COLEC12: variants seen among roughly 807,000 people sequenced by gnomAD.
COLEC12 encodes collectin subfamily member 12, also known as collectin-12.
In COLEC12, 33 loss-of-function variants were observed where a neutral mutation model predicts 71.1. That is an observed-to-expected ratio of 0.46 (90% confidence interval 0.35 to 0.62). The LOEUF is 0.62. COLEC12 is among the 20% of genes least tolerant of loss of function. The probability of loss-of-function intolerance (pLI) is 0.00; values close to 1 mark genes in which losing one functional copy is unlikely to be tolerated. For synonymous variants in COLEC12, 350 were observed against 353.0 expected, an observed-to-expected ratio of 0.99 and a Z score of 0.10; for missense variants, 765 against 916.1, an observed-to-expected ratio of 0.84 and a Z score of 2.13.
chr18:356,725 C>G (rs1164766070), intron 3 of COLEC12, among the ~76,000 whole-genome samples: 1 of 152,172 alleles, frequency 6.6e-6, no homozygotes, highest in African/African-American at 2.4e-5. Flanking sequence ...ATCACGACAC[C>G]TTCTACCTAT....
chr18:463,809 C>T (rs1917033144), intron 2 of COLEC12, among the ~76,000 whole-genome samples: 1 of 152,206 alleles, frequency 6.6e-6, no homozygotes, highest in Non-Finnish European at 1.5e-5. Context: ...TCCACTTTCT[C>T]TTCTTTCACA....
chr18:403,777 A>C (rs6506141), intron 2 of COLEC12, among the ~76,000 whole-genome samples: 114,580 of 152,144 alleles, frequency 0.75, 43,594 homozygotes, highest in South Asian at 0.83. Context: ...AATGTCTACA[A>C]TATCTCCATA....
chr18:352,772 T>C (rs756277370), intron 3 of COLEC12, among the ~76,000 whole-genome samples: 4 of 152,204 alleles, frequency 2.6e-5, no homozygotes, highest in Non-Finnish European at 5.9e-5. Context: ...TTATTCTGAA[T>C]TTATTAGCAC....
chr18:339,814 G>GA (rs1411735815), intron 5 of COLEC12, among the ~76,000 whole-genome samples: 1 of 151,774 alleles, frequency 6.6e-6, no homozygotes, highest in African/African-American at 2.4e-5. Context: ...GAAATTTCCT[G>GA]GATTTTTTTT....
rs1915643303 is a variant in COLEC12 at position 399,747 on chromosome 18, G to A, written c.59-42225C>T. Among the ~76,000 whole-genome samples the A allele has an allele frequency of 6.6e-6, 1 of 152,216 alleles. No individual in the cohort carries two copies. Among genetic ancestry groups the A allele is most frequent in the East Asian group, 1.9e-4 (1 of 5,196 alleles). On this transcript the variant is annotated intron_variant, in intron 2 of 9. Coordinates refer to ENST00000400256, the MANE Select transcript of COLEC12 (RefSeq NM_130386.3). This position sits in a 1 kb window ranked among gnomAD's most constrained non-coding sequence, Gnocchi z 4.0. The stretch of plus-strand genomic sequence containing the variant: ...GGGGTGGATGCCGAGCGCTGGGAAG[G>A]AATATGCCCTCGTTCCCCCATCTCC...
intron 2 of COLEC12, among the ~76,000 whole-genome samples, chr18:465,625 T>C (rs1302893835): frequency 6.6e-6 from 1 of 152,226 alleles, no homozygotes; most frequent in African/African-American, 2.4e-5. Flanking sequence ...CAGGTGACTA[T>C]TAGTAACCAT....
chr18:469,152 A>G (rs1598374994), intron 2 of COLEC12, among the ~76,000 whole-genome samples: 2 of 152,366 alleles, frequency 1.3e-5, no homozygotes, highest in South Asian at 2.1e-4. Context: ...CTTCACTTGC[A>G]CAGACGGAAA....
chr18:424,842 C>T (rs1916167216), intron 2 of COLEC12, among the ~76,000 whole-genome samples: 1 of 152,184 alleles, frequency 6.6e-6, no homozygotes, highest in African/African-American at 2.4e-5. Flanking sequence ...TTGGAGAGCT[C>T]AGTCTAAGGA....
intron 2 of COLEC12, among the ~76,000 whole-genome samples, chr18:398,966 G>A (rs1472406353): frequency 6.6e-6 from 1 of 152,158 alleles, no homozygotes; most frequent in Non-Finnish European, 1.5e-5. Context: ...ATTAAAAGCA[G>A]GTCTATATGT....
At chr18:482,758 C>A (rs529046827) in intron 1 of COLEC12, among the ~76,000 whole-genome samples, 2 of 152,146 alleles carry the variant, frequency 1.3e-5, no homozygotes, top group East Asian at 3.9e-4. Flanking sequence ...ATTGCAGGCG[C>A]CCACTACCAC....
chr18:401,592 C>T (rs956137816), intron 2 of COLEC12, among the ~76,000 whole-genome samples: 6 of 152,222 alleles, frequency 3.9e-5, no homozygotes, highest in East Asian at 3.8e-4. Flanking sequence ...GGACTAGAAG[C>T]GTTGAGGTGT....
chr18:362,040 A>G lies in COLEC12; in HGVS notation c.59-4518T>C, dbSNP rs1464904755. 6.6e-6 allele frequency among the ~76,000 whole-genome samples: 1 copy of G among 152,172 alleles called. No individual in the cohort carries two copies. Among genetic ancestry groups the G allele is most frequent in the Non-Finnish European group, 1.5e-5 (1 of 68,016 alleles). On this transcript the variant is annotated intron_variant, in intron 2 of 9. Transcript: ENST00000400256. The surrounding 1 kb of genome is among the most constrained non-coding windows in gnomAD (Gnocchi z 4.6). The stretch of plus-strand genomic sequence containing the variant: ...CATTGATGGGAAAAGAGAGGCCCAG[A>G]GAGGGGAAGCAGGATCAGAAGCCAC...
At chr18:326,717 T>C (rs1319033444) in intron 8 of COLEC12, among the ~76,000 whole-genome samples, 5 of 152,230 alleles carry the variant, frequency 3.3e-5, no homozygotes, top group Non-Finnish European at 7.3e-5. Context: ...TTCATCTTGG[T>C]GAATGTACCA....
chr18:373,342 G>A (rs542912956), intron 2 of COLEC12, among the ~76,000 whole-genome samples: 1 of 152,108 alleles, frequency 6.6e-6, no homozygotes, highest in African/African-American at 2.4e-5. Flanking sequence ...CGAGGCTTTC[G>A]ATCCTAATGT....
chr18:427,889 C>T (rs1483580914), intron 2 of COLEC12, among the ~76,000 whole-genome samples: 1 of 152,146 alleles, frequency 6.6e-6, no homozygotes, highest in Non-Finnish European at 1.5e-5. Context: ...TTAAGAAGAA[C>T]ATTGCCTTTG....
intron 2 of COLEC12, among the ~76,000 whole-genome samples, chr18:387,610 T>C (rs951640831): frequency 6.6e-6 from 1 of 152,198 alleles, no homozygotes; most frequent in Non-Finnish European, 1.5e-5. Flanking sequence ...CACTTAATAC[T>C]TGAGAACTGC....
intron 2 of COLEC12, among the ~76,000 whole-genome samples, chr18:404,248 G>A (rs1054795020): frequency 7.9e-5 from 12 of 152,110 alleles, no homozygotes; most frequent in African/African-American, 2.7e-4. Context: ...CAAAGTTTGG[G>A]AAAATGTGGT....
intron 2 of COLEC12, among the ~76,000 whole-genome samples, chr18:427,071 C>T (rs77645528): frequency 0.071 from 10,836 of 152,218 alleles, 497 homozygotes; most frequent in East Asian, 0.18. Flanking sequence ...TGCTGACTAA[C>T]ATTCCACTGA....
rs1178071975 is a variant in COLEC12, at chr18:498,377, T to TTTTTTTTTTTTTTTTTTTTG, written c.7+2130_7+2131insCAAAAAAAAAAAAAAAAAAA. 5.1e-5 allele frequency among the ~76,000 whole-genome samples: 7 copies of TTTTTTTTTTTTTTTTTTTTG among 138,308 alleles called. 1 individual carries two copies. The highest frequency in any genetic ancestry group is 1.7e-4 in the African/African-American group (6 of 34,904). 90.7% of individuals were successfully genotyped at this position (138,308 alleles called of 152,430 possible). On this transcript the variant is annotated intron_variant, in intron 1 of 9. Transcript: ENST00000400256. ...ATATTTTTTTTCTTTTTTTTTTTTTTAGACGGAGTCTCGCTCTTGTCACCC... is the reference window on the plus strand; with the variant it reads ...ATATTTTTTTTCTTTTTTTTTTTTTTTTTTTTTTTTTTTTTTTTTGAGACGGAGTCTCGCTCTTGTCACCC...
Sources: gnomAD v4.1 joint callset for allele counts (sites outside exome capture counted in the v4.1 genomes callset) on GRCh38, gnomAD v4.1.1 for gene constraint, Gnocchi (gnomAD v3.1) non-coding constraint, MANE v1.5 for transcripts, NCBI Gene and HGNC (gene_info 2026-07-23, HGNC 2026-07-21) for gene names.